The following MAGI3 variants were observed in gnomAD, a reference collection of about 807,000 sequenced individuals.
MAGI3 encodes membrane-associated guanylate kinase, WW and PDZ domain-containing protein 3.
Under a neutral mutation model 121.8 loss-of-function variants are expected in MAGI3, and 43 were observed. That is an observed-to-expected ratio of 0.35 (90% CI 0.28 to 0.46). MAGI3 has a LOEUF of 0.46. Ranked by LOEUF, MAGI3 falls within the 20% of genes least tolerant of loss-of-function variation. The probability of loss-of-function intolerance (pLI) is 1.00; values close to 1 mark genes in which losing one functional copy is unlikely to be tolerated. For synonymous variants in MAGI3, 553 were observed against 639.3 expected, an observed-to-expected ratio of 0.86 and a Z score of 2.04; for missense variants, 1,547 against 1,797.3, an observed-to-expected ratio of 0.86 and a Z score of 2.52.
intron 6 of MAGI3, among the ~76,000 whole-genome samples, chr1:113,603,239 A>G (rs1264914362): frequency 6.6e-6 from 1 of 152,174 alleles, no homozygotes; most frequent in Non-Finnish European, 1.5e-5. Context: ...TAGAAAATCT[A>G]GAGGACTGGA....
intron 1 of MAGI3, among the ~76,000 whole-genome samples, chr1:113,495,665 T>C (rs2101589235): frequency 6.6e-6 from 1 of 152,346 alleles, no homozygotes; most frequent in Non-Finnish European, 1.5e-5. Flanking sequence ...CTAAAGATCA[T>C]CCTGTTTATG....
At chr1:113,528,427 A>G (rs945636946) in intron 1 of MAGI3, among the ~76,000 whole-genome samples, 2 of 152,092 alleles carry the variant, frequency 1.3e-5, no homozygotes, top group African/African-American at 4.8e-5. Context: ...ATAAACTGGA[A>G]TGTAAACCAA....
chr1:113,430,268 A>C (rs931914168), intron 1 of MAGI3, among the ~76,000 whole-genome samples: 2 of 152,188 alleles, frequency 1.3e-5, no homozygotes, highest in African/African-American at 4.8e-5. Context: ...TATCATTTCT[A>C]GTACTTAGCA....
intron 3 of MAGI3, among the ~76,000 whole-genome samples, chr1:113,581,935 TTTTG>T (rs927295009): frequency 1.8e-4 from 27 of 152,070 alleles, no homozygotes; most frequent in African/African-American, 6.3e-4. Flanking sequence ...TGAAGTTTTT[TTTTG>T]TTTGTTTTTG....
At position 113,497,237 on chromosome 1, in the gene MAGI3, G is replaced by A. The variant is rs1289060669; in HGVS notation, c.317-52278G>A. On this transcript the variant is annotated intron_variant, in intron 1 of 20. Coordinates refer to ENST00000307546, the MANE Select transcript of MAGI3 (RefSeq NM_001142782.2). ...ACACCACTGGAATAGGAACAGCTCC[G>A]GTCTACAGCTCCCAGCGTGAGCGAC... Among the ~76,000 whole-genome samples the A allele has an allele frequency of 2.0e-4, 21 of 104,974 alleles. 3 individuals are homozygous for A. Among genetic ancestry groups the A allele is most frequent in the East Asian group, 1.4e-3 (1 of 734 alleles). 68.9% of individuals were successfully genotyped at this position (104,974 alleles called of 152,430 possible).
intron 1 of MAGI3, among the ~76,000 whole-genome samples, chr1:113,483,308 C>G (rs1656200919): frequency 6.6e-6 from 1 of 152,014 alleles, no homozygotes; most frequent in Non-Finnish European, 1.5e-5. Context: ...CCCCACAATC[C>G]CTATGTTGAA....
intron 1 of MAGI3, among the ~76,000 whole-genome samples, chr1:113,416,279 A>ATG (rs1294869194): frequency 1.6e-4 from 5 of 30,638 alleles, no homozygotes; most frequent in African/African-American, 6.1e-4. Context: ...GTAATTAATT[A>ATG]CACATATTAA....
chr1:113,413,921 T>C (rs1652150119), intron 1 of MAGI3, among the ~76,000 whole-genome samples: 2 of 152,164 alleles, frequency 1.3e-5, no homozygotes, highest in Non-Finnish European at 2.9e-5. Context: ...CTATGTTGAA[T>C]AGGAGTGGTG....
At chr1:113,528,595 A>G (rs774037828) in intron 1 of MAGI3, among the ~76,000 whole-genome samples, 1 of 152,144 alleles carries the variant, frequency 6.6e-6, no homozygotes, top group Non-Finnish European at 1.5e-5. Context: ...TTAGCAGGAA[A>G]TTGGTGGGAA....
At chr1:113,546,927 CA>C (rs1338291375) in intron 1 of MAGI3, among the ~76,000 whole-genome samples, 3 of 151,508 alleles carry the variant, frequency 2.0e-5, no homozygotes, top group Admixed American at 1.3e-4. Context: ...CTAAAAAACA[CA>C]AAAAATTAGC....
At chr1:113,556,789 C>T (rs1660011081) in intron 2 of MAGI3, among the ~76,000 whole-genome samples, 1 of 151,936 alleles carries the variant, frequency 6.6e-6, no homozygotes, top group Admixed American at 6.6e-5. Flanking sequence ...TGGTCTCAAA[C>T]TCTTGAGCTC....
chr1:113,637,693 T>C (rs1652132484), intron 9 of MAGI3, among the ~76,000 whole-genome samples: 1 of 150,138 alleles, frequency 6.7e-6, no homozygotes, highest in Non-Finnish European at 1.5e-5. Context: ...TTGGTGAATC[T>C]GACAGTTATG....
intron 2 of MAGI3, among the ~76,000 whole-genome samples, chr1:113,552,742 A>G (rs929587781): frequency 6.6e-6 from 1 of 152,158 alleles, no homozygotes; most frequent in Non-Finnish European, 1.5e-5. Flanking sequence ...TTTAGATCTC[A>G]ACAGGCCCTC....
intron 1 of MAGI3, among the ~76,000 whole-genome samples, chr1:113,399,122 T>C (rs1228243691): frequency 1.4e-5 from 2 of 145,670 alleles, no homozygotes; most frequent in Non-Finnish European, 3.0e-5. Context: ...GGATTTTTTC[T>C]CAGCTAGACT....
chr1:113,534,715 A>G (rs1447262641), intron 1 of MAGI3, among the ~76,000 whole-genome samples: 1 of 152,124 alleles, frequency 6.6e-6, no homozygotes, highest in Non-Finnish European at 1.5e-5. Context: ...TGCCTAGCAT[A>G]GTGCTTGGTA....
chr1:113,545,184 A>C lies in MAGI3; in HGVS notation c.317-4331A>C, dbSNP rs184869362. Among the ~76,000 whole-genome samples the C allele has an allele frequency of 1.2e-3, 188 of 152,284 alleles. 1 individual carries two copies. Among genetic ancestry groups the C allele is most frequent in the Non-Finnish European group, 2.2e-3 (150 of 68,016 alleles). On this transcript the variant is annotated intron_variant, in intron 1 of 20. Transcript: ENST00000307546. ...AAAAAGGAATAAAGTATATTGCAAA[A>C]ACCCAAGACCAATTCCCTACTTTAA...
chr1:113,536,051 A>C lies in MAGI3; in HGVS notation c.317-13464A>C, dbSNP rs948031474. On this transcript the variant is annotated intron_variant, in intron 1 of 20. Transcript: ENST00000307546. ...CCTGAATCTTCCTGTCAAATGTACC[A>C]CCAACTATTATGGCTTCTACCCACA... Among the ~76,000 whole-genome samples the C allele has an allele frequency of 2.0e-5, 3 of 151,872 alleles. No homozygotes were observed. In the South Asian group the frequency reaches 6.2e-4, roughly 32 times the overall value.
At chr1:113,654,797 A>G (rs1653380132) in intron 15 of MAGI3, among the ~76,000 whole-genome samples, 1 of 152,128 alleles carries the variant, frequency 6.6e-6, no homozygotes, top group Non-Finnish European at 1.5e-5. Flanking sequence ...TCCAAGTCAA[A>G]TAATAAAAAT....
intron 1 of MAGI3, among the ~76,000 whole-genome samples, chr1:113,455,882 G>A (rs1207982101): frequency 6.6e-6 from 1 of 152,036 alleles, no homozygotes; most frequent in East Asian, 1.9e-4. Context: ...CACAGAGAGA[G>A]GTACTCAGTA....
Sources: gnomAD v4.1 joint callset for allele counts (sites outside exome capture counted in the v4.1 genomes callset) on GRCh38, gnomAD v4.1.1 for gene constraint, MANE v1.5 for transcripts, NCBI Gene and HGNC (gene_info 2026-07-23, HGNC 2026-07-21) for gene names.